RAPGEF1: variants seen among roughly 807,000 people sequenced by gnomAD.
The protein encoded by RAPGEF1 is Rap guanine nucleotide exchange factor 1.
A neutral mutation model predicts 143.3 loss-of-function variants in RAPGEF1; 33 were observed. The ratio of observed to expected loss-of-function variants is 0.23; its 90% CI spans 0.17 to 0.31. The LOEUF is 0.31. RAPGEF1 is among the 10% of genes least tolerant of loss of function. The probability of loss-of-function intolerance (pLI) is 1.00; values close to 1 mark genes in which losing one functional copy is unlikely to be tolerated. For missense variants in RAPGEF1, 1,199 were observed against 1,645.4 expected (o/e 0.73, Z 4.69); for synonymous variants, 629 against 676.5 (o/e 0.93, Z 1.09).
At chr9:131,605,840 AAGGC>A (rs1957041669) in intron 12 of RAPGEF1, among the ~76,000 whole-genome samples, 1 of 151,674 alleles carries the variant, frequency 6.6e-6, no homozygotes, top group African/African-American at 2.4e-5. Flanking sequence ...TTGGGAGGCC[AAGGC>A]AGGTGGATTG....
rs139436557 is a variant in RAPGEF1 at position 131,677,129 on chromosome 9, T to G, written c.62-26180A>C. Among the ~76,000 whole-genome samples the G allele has an allele frequency of 1.4e-3, 206 of 152,378 alleles. 5 individuals are homozygous for G. The East Asian group carries it at 0.037, about 28-fold the overall frequency. Reference sequence around the variant, plus strand: ...AAAGTTTCTACTATGTGCTAGGAACTGGGGACACCAGGGGAACTTACACGT... The same window carrying G: ...AAAGTTTCTACTATGTGCTAGGAACGGGGGACACCAGGGGAACTTACACGT... On this transcript the variant is annotated intron_variant, in intron 1 of 26. Transcript: ENST00000683357.
At chr9:131,591,383 G>C (rs1377708470) in intron 18 of RAPGEF1, among the ~76,000 whole-genome samples, 1 of 152,214 alleles carries the variant, frequency 6.6e-6, no homozygotes, top group Non-Finnish European at 1.5e-5. Context: ...CAAAGAGGTG[G>C]CTGAGGAGCA....
At chr9:131,698,901 T>A (rs1834407980) in intron 1 of RAPGEF1, among the ~76,000 whole-genome samples, 1 of 152,226 alleles carries the variant, frequency 6.6e-6, no homozygotes, top group African/African-American at 2.4e-5. Context: ...AGGTGCCCAG[T>A]TGTTATTTAA....
Position 131,624,022 on chromosome 9 carries a change from C to T in RAPGEF1, c.1702+1900G>A, listed in dbSNP as rs375813077. On this transcript the variant is annotated intron_variant, in intron 10 of 26. Transcript: ENST00000683357. ...AAGTTTGGGGCTCTTTCACAGGGTA[C>T]GGAGAAGACCAACCCCTGCACAGGG... 1.1e-4 allele frequency among the ~76,000 whole-genome samples: 17 copies of T among 152,230 alleles called. 1 individual carries two copies. The highest frequency in any genetic ancestry group is 1.0e-3 in the South Asian group (5 of 4,826).
chr9:131,602,164 G>A lies in RAPGEF1; in HGVS notation c.2413-15C>T, dbSNP rs1397897740. On this transcript the variant is annotated splice_polypyrimidine_tract_variant and intron_variant, in intron 14 of 26. Coordinates refer to ENST00000683357, the MANE Select transcript of RAPGEF1 (RefSeq NM_001377935.1). ...GCCGGTGGCTCCTGGAAAGAGGAGT[G>A]GGTGCTGAGTTCTGGACAGGGGCCC... 1.3e-6 allele frequency: 2 copies of A among 1,564,668 alleles called. No individual in the cohort carries two copies. Among genetic ancestry groups the A allele is most frequent in the Non-Finnish European group, 1.7e-6 (2 of 1,153,374 alleles).
At chr9:131,606,584 G>T (rs1022360325) in intron 12 of RAPGEF1, among the ~76,000 whole-genome samples, 1 of 152,142 alleles carries the variant, frequency 6.6e-6, no homozygotes, top group Non-Finnish European at 1.5e-5. Context: ...TGGAAAAGAG[G>T]AAGAAGAGGA....
chr9:131,619,255 G>C, intron 11 of RAPGEF1, 49 bp from the exon 12 acceptor site: 89 of 1,265,200 alleles, frequency 7.0e-5, no homozygotes, highest in Non-Finnish European at 8.4e-5. Flanking sequence ...AGGGAGAGAA[G>C]CAGAGAACAG....
intron 3 of RAPGEF1, among the ~76,000 whole-genome samples, chr9:131,644,145 A>G (rs1001854265): frequency 1.3e-5 from 2 of 152,206 alleles, no homozygotes; most frequent in African/African-American, 2.4e-5. Context: ...ACCTGAGAGA[A>G]AGGGAAAATA....
chr9:131,629,296 G>T, intron 6 of RAPGEF1, 42 bp from the exon 7 acceptor site: 1 of 1,579,626 alleles, frequency 6.3e-7, no homozygotes, highest in Non-Finnish European at 8.7e-7. Context: ...AAGGTCAAAG[G>T]CGGGACAGAG....
At chr9:131,732,766 GATA>G (rs1837162892) in intron 1 of RAPGEF1, among the ~76,000 whole-genome samples, 1 of 152,292 alleles carries the variant, frequency 6.6e-6, no homozygotes, top group African/African-American at 2.4e-5. Flanking sequence ...TTCATTCTAT[GATA>G]ATATTAACTA....
At chr9:131,736,641 G>A (rs184156031) in intron 1 of RAPGEF1, among the ~76,000 whole-genome samples, 2 of 152,322 alleles carry the variant, frequency 1.3e-5, no homozygotes, top group Admixed American at 6.5e-5. Context: ...GGCAATGCAA[G>A]GGGGCGGGAT....
At chr9:131,682,337 G>A (rs920230995) in intron 1 of RAPGEF1, among the ~76,000 whole-genome samples, 12 of 152,164 alleles carry the variant, frequency 7.9e-5, no homozygotes, top group Admixed American at 2.0e-4. Context: ...GGCCCGTCCC[G>A]GGCCCCGTTC....
intron 1 of RAPGEF1, among the ~76,000 whole-genome samples, chr9:131,676,100 T>TGGCC: frequency 6.6e-6 from 1 of 152,200 alleles, no homozygotes; most frequent in East Asian, 1.9e-4. Flanking sequence ...GTGGAGCCAG[T>TGGCC]GGCCATGTCT....
At chr9:131,660,544 C>A (rs1433207832) in intron 1 of RAPGEF1, among the ~76,000 whole-genome samples, 2 of 151,946 alleles carry the variant, frequency 1.3e-5, no homozygotes, top group Non-Finnish European at 2.9e-5. Flanking sequence ...TGTATTTATG[C>A]AGTCAGGCCC....
At chr9:131,684,231 G>C (rs1046089129) in intron 1 of RAPGEF1, among the ~76,000 whole-genome samples, 30 of 152,326 alleles carry the variant, frequency 2.0e-4, no homozygotes, top group African/African-American at 7.2e-4. Flanking sequence ...TCCCTTGTTT[G>C]GGAGACTAGC....
At chr9:131,649,502 C>A (rs1588754852) in intron 3 of RAPGEF1, among the ~76,000 whole-genome samples, 1 of 152,138 alleles carries the variant, frequency 6.6e-6, no homozygotes, top group East Asian at 1.9e-4. Flanking sequence ...ACTTTGCCAC[C>A]TTTTTGCTGT....
intron 1 of RAPGEF1, among the ~76,000 whole-genome samples, chr9:131,730,748 G>A (rs1285441451): frequency 4.8e-5 from 7 of 144,402 alleles, no homozygotes; most frequent in East Asian, 2.1e-4. Context: ...AAAGGGCTCC[G>A]GGGTGGGTTT....
chr9:131,637,934 T>C (rs1966799018), intron 5 of RAPGEF1, among the ~76,000 whole-genome samples: 1 of 152,206 alleles, frequency 6.6e-6, no homozygotes, highest in Non-Finnish European at 1.5e-5. Context: ...TACTACATTA[T>C]ATGGCCTCAC....
intron 1 of RAPGEF1, among the ~76,000 whole-genome samples, chr9:131,653,075 G>T (rs1971512465): frequency 6.6e-6 from 1 of 152,164 alleles, no homozygotes; most frequent in Non-Finnish European, 1.5e-5. Context: ...GTTATGCAGA[G>T]CATGACTCTA....
Sources: gnomAD v4.1 joint callset for allele counts (sites outside exome capture counted in the v4.1 genomes callset) on GRCh38, gnomAD v4.1.1 for gene constraint, MANE v1.5 for transcripts, NCBI Gene and HGNC (gene_info 2026-07-23, HGNC 2026-07-21) for gene names.